Variants in CNTLN observed in about 807,000 individuals in gnomAD.
CNTLN encodes the protein centlein, also known as centlein, centrosomal protein.
In CNTLN, 212 loss-of-function variants were observed where a neutral mutation model predicts 180.0. That is an observed-to-expected ratio of 1.18 (90% CI 1.05 to 1.32). The LOEUF (loss-of-function observed/expected upper bound fraction) is 1.32, where lower values mean the gene tolerates loss of function less well. Among genes scored for constraint, CNTLN ranks in the 40% most tolerant of loss-of-function variants. CNTLN has a pLI of 0.00. For missense variants in CNTLN, 2,095 were observed against 1,610.9 expected (o/e 1.30, Z -5.14); for synonymous variants, 722 against 563.1 (o/e 1.28, Z -3.99).
At chr9:17,310,140 C>G (rs1011715983) in intron 8 of CNTLN, among the ~76,000 whole-genome samples, 18 of 152,004 alleles carry the variant, frequency 1.2e-4, no homozygotes, top group African/African-American at 4.3e-4. Context: ...AATAAACACC[C>G]TTGGTTCAAC....
At chr9:17,138,022 A>G (rs1383440239) in intron 1 of CNTLN, among the ~76,000 whole-genome samples, 2 of 152,236 alleles carry the variant, frequency 1.3e-5, no homozygotes, top group Non-Finnish European at 2.9e-5. Flanking sequence ...TACTGAGGGT[A>G]GTAGGTAAGC....
intron 8 of CNTLN, among the ~76,000 whole-genome samples, chr9:17,312,013 C>T (rs1819169713): frequency 2.0e-5 from 1 of 51,248 alleles, no homozygotes; most frequent in Non-Finnish European, 6.1e-5. Context: ...AGAACAAAGT[C>T]CAGATTATAT....
At chr9:17,397,014 T>G (rs1826580344) in intron 15 of CNTLN, among the ~76,000 whole-genome samples, 1 of 152,170 alleles carries the variant, frequency 6.6e-6, no homozygotes, top group Admixed American at 6.6e-5. Context: ...TTCCTCTGTC[T>G]TCAAGGAAAT....
chr9:17,497,546 A>C (rs16935719), intron 25 of CNTLN, among the ~76,000 whole-genome samples: 2,980 of 152,202 alleles, frequency 0.02, 71 homozygotes, highest in Middle Eastern at 0.068. Context: ...TTACGGAAGC[A>C]CTCCTTGAAG....
At chr9:17,334,392 G>T (rs1347353093) in intron 10 of CNTLN, among the ~76,000 whole-genome samples, 2 of 150,128 alleles carry the variant, frequency 1.3e-5, no homozygotes, top group Non-Finnish European at 3.0e-5. Context: ...TGTTACCTGG[G>T]TTCTCCAGAG....
At chr9:17,518,621 C>G in the CNTLN span, among the ~76,000 whole-genome samples, 1 of 152,114 alleles carries the variant, frequency 6.6e-6, no homozygotes, top group Non-Finnish European at 1.5e-5. Flanking sequence ...TGTCAGCTCT[C>G]CCTCTGTCCT....
At chr9:17,225,074 G>A (rs1419303421) in intron 2 of CNTLN, among the ~76,000 whole-genome samples, 2 of 151,822 alleles carry the variant, frequency 1.3e-5, no homozygotes, top group Non-Finnish European at 2.9e-5. Flanking sequence ...GTTTTATAGA[G>A]GTTTTGCTAC....
intron 2 of CNTLN, among the ~76,000 whole-genome samples, chr9:17,200,073 A>G (rs979023727): frequency 1.3e-5 from 2 of 152,154 alleles, no homozygotes; most frequent in Non-Finnish European, 2.9e-5. Flanking sequence ...CAGTTTTCCC[A>G]ACACCATTTA....
intron 18 of CNTLN, among the ~76,000 whole-genome samples, chr9:17,420,502 C>CT (rs1197540035): frequency 1.3e-5 from 2 of 151,804 alleles, no homozygotes; most frequent in Non-Finnish European, 2.9e-5. Context: ...GAGAAACCAA[C>CT]TTTTTGTTTT....
chr9:17,350,784 A>G (rs1822297355), intron 12 of CNTLN, among the ~76,000 whole-genome samples: 1 of 152,114 alleles, frequency 6.6e-6, no homozygotes. Context: ...ACCCCTTTCT[A>G]TCCCTAATTG....
chr9:17,332,823 T>A, intron 10 of CNTLN, 93 bp downstream of exon 10: 4 of 1,003,166 alleles, frequency 4.0e-6, no homozygotes, highest in Non-Finnish European at 5.4e-6. Context: ...GTTGTCCTTT[T>A]TCTTTCCTGA....
intron 6 of CNTLN, among the ~76,000 whole-genome samples, chr9:17,282,430 T>C (rs1828721082): frequency 6.6e-6 from 1 of 152,200 alleles, no homozygotes; most frequent in Non-Finnish European, 1.5e-5. Flanking sequence ...ACTTTTTAAA[T>C]GGGGCTGTTT....
intron 12 of CNTLN, among the ~76,000 whole-genome samples, chr9:17,366,298 A>ATTG (rs10648042): frequency 0.59 from 87,621 of 149,064 alleles, 25,784 homozygotes; most frequent in East Asian, 0.73. Flanking sequence ...GCTAGTTGTT[A>ATTG]TTGTTGTTGT....
intron 6 of CNTLN, among the ~76,000 whole-genome samples, chr9:17,274,333 T>A (rs13290659): frequency 0.29 from 43,725 of 150,692 alleles, 6,486 homozygotes; most frequent in South Asian, 0.41. Flanking sequence ...AGCACGATAC[T>A]CTTGTATTTC....
At chr9:17,318,185 G>A (rs1332728941) in intron 8 of CNTLN, among the ~76,000 whole-genome samples, 1 of 151,634 alleles carries the variant, frequency 6.6e-6, no homozygotes, top group African/African-American at 2.4e-5. Flanking sequence ...CCACCACCAC[G>A]CCCGGCTAAT....
intron 2 of CNTLN, chr9:17,167,345 C>G (rs1206639042): frequency 6.6e-6 from 1 of 152,360 alleles, no homozygotes; most frequent in Non-Finnish European, 1.5e-5. Context: ...TCTTTCTCAT[C>G]TCTCAGTTTT....
chr9:17,212,748 T>C (rs1469396074), intron 2 of CNTLN, among the ~76,000 whole-genome samples: 2 of 152,210 alleles, frequency 1.3e-5, no homozygotes, highest in Non-Finnish European at 2.9e-5. Context: ...GTTTGGTCTA[T>C]TCAGGGATTC....
intron 6 of CNTLN, among the ~76,000 whole-genome samples, chr9:17,279,144 G>A (rs1828503778): frequency 6.6e-6 from 1 of 151,830 alleles, no homozygotes; most frequent in South Asian, 2.1e-4. Flanking sequence ...ACTCTGCTCT[G>A]TATACTCTGG....
intron 2 of CNTLN, among the ~76,000 whole-genome samples, chr9:17,216,545 C>T (rs976961247): frequency 6.6e-6 from 1 of 152,006 alleles, no homozygotes; most frequent in Admixed American, 6.6e-5. Context: ...TGTGCTATAT[C>T]CTTGATACAC....
Sources: gnomAD v4.1 joint callset for allele counts (sites outside exome capture counted in the v4.1 genomes callset) on GRCh38, gnomAD v4.1.1 for gene constraint, MANE v1.5 for transcripts, NCBI Gene and HGNC (gene_info 2026-07-23, HGNC 2026-07-21) for gene names.